ZNF793: variants seen among roughly 807,000 people sequenced by gnomAD.
The protein encoded by ZNF793 is zinc finger protein 793.
Under a neutral mutation model 12.4 loss-of-function variants are expected in ZNF793, and 5 were observed. That is an observed-to-expected ratio of 0.40 (90% CI 0.21 to 0.84). The LOEUF is 0.84. Ranked by LOEUF, ZNF793 falls within the 40% of genes least tolerant of loss-of-function variation. The probability of loss-of-function intolerance (pLI) is 0.35; values close to 1 mark genes in which losing one functional copy is unlikely to be tolerated. For synonymous variants in ZNF793, 162 were observed against 172.4 expected (o/e 0.94, Z 0.47); for missense variants, 456 against 495.0 (o/e 0.92, Z 0.75).
At chr19:37,518,644 A>G (rs2042352161) in intron 2 of ZNF793, among the ~76,000 whole-genome samples, 1 of 151,694 alleles carries the variant, frequency 6.6e-6, no homozygotes, top group Non-Finnish European at 1.5e-5. Context: ...AAAAAAAAAA[A>G]AAAAAATTAC....
intron 5 of ZNF793, among the ~76,000 whole-genome samples, chr19:37,530,204 T>C (rs2042447473): frequency 6.6e-6 from 1 of 151,996 alleles, no homozygotes; most frequent in Admixed American, 6.5e-5. Context: ...GGTTTCCCCC[T>C]ATCTCAGTAG....
intron 7 of ZNF793, chr19:37,536,182 A>C (rs910938565): frequency 1.8e-5 from 6 of 339,580 alleles, no homozygotes; most frequent in Non-Finnish European, 2.6e-5. Context: ...TTATTTTTTA[A>C]TCTGTTTCAC....
chr19:37,538,137 G>A lies in ZNF793; in HGVS notation c.*258G>A, dbSNP rs560342328. ...TCACCGTGTTAGCCAGGATGGTCTC[G>A]ATCTCCTGACCTTGTGATCTGCCCG... On this transcript the variant is annotated 3_prime_UTR_variant, in exon 8 of 8. Coordinates refer to ENST00000627814, the MANE Select transcript of ZNF793 (RefSeq NM_001013659.3). 258 of 352,904 alleles carry A rather than the reference G, an allele frequency of 7.3e-4. 2 individuals are homozygous for A. Among genetic ancestry groups the A allele is most frequent in the African/African-American group, 3.1e-3 (146 of 47,612 alleles). 21.9% of individuals were successfully genotyped at this position (352,904 alleles called of 1,614,324 possible). A position where few individuals can be genotyped will look rare whatever the true frequency, so the allele number is the denominator to read the frequency against.
Position 37,532,411 on chromosome 19 carries a change from G to C in ZNF793, c.71G>C (p.Arg24Pro). The C allele has an allele frequency of 6.2e-7, 1 of 1,614,082 alleles. No individual in the cohort carries two copies. The highest frequency in any genetic ancestry group is 8.5e-7 in the Non-Finnish European group (1 of 1,179,986). The change falls in exon 6 of 8, where the codon CGG becomes CCG. Residue 24 changes from arginine (R) to proline (P), a missense_variant. By Grantham distance (103) the Arg-to-Pro change is moderately radical (BLOSUM62 -2). Transcript: ENST00000627814. Reference sequence around the variant, plus strand: ...GGCTTCACCCAAGAGGAGTGGCACCGGCTGAGTCCTGCTCAGAGGGCCCTG... The same window carrying C: ...GGCTTCACCCAAGAGGAGTGGCACCCGCTGAGTCCTGCTCAGAGGGCCCTG... ...VVGFTQEEWH[R>P]LSPAQRALYR...
intron 3 of ZNF793, among the ~76,000 whole-genome samples, chr19:37,521,927 T>G (rs1441467513): frequency 6.6e-6 from 1 of 152,114 alleles, no homozygotes; most frequent in East Asian, 1.9e-4. Context: ...AATATATCAT[T>G]CCTATTCTTT....
At position 37,537,036 on chromosome 19, in the gene ZNF793, C is replaced by T; in HGVS notation, c.378C>T (p.Ser126=). 6.2e-7 allele frequency: 1 copy of T among 1,613,934 alleles called. No homozygotes were observed. The highest frequency in any genetic ancestry group is 8.5e-7 in the Non-Finnish European group (1 of 1,179,862). Residue 126 remains serine, a synonymous_variant, in exon 8 of 8, where the codon AGC becomes AGT. Transcript: ENST00000627814. ...AGTTTGGGAAAATATCACTTCTGAG[C>T]ACTGATCTTTTTTCTTCAATCCAGA... ...YNKFGKISLL[S]TDLFSSIQSP...
At chr19:37,509,640 T>C (rs555180832) in intron 2 of ZNF793, among the ~76,000 whole-genome samples, 1 of 152,300 alleles carries the variant, frequency 6.6e-6, no homozygotes, top group South Asian at 2.1e-4. Context: ...GTAAGGAGTT[T>C]GGGTAATTTT....
Position 37,525,804 on chromosome 19 carries a change from C to T in ZNF793, c.15+2350C>T, listed in dbSNP as rs576897188. 6.6e-5 allele frequency among the ~76,000 whole-genome samples: 10 copies of T among 152,266 alleles called. No homozygotes were observed. The South Asian group carries it at 1.2e-3, about 19-fold the overall frequency. ...GAATTTGATCCAAGGCAGCTGTAGC[C>T]TTGATCTGGACTGAGGAACAGATGT... is the stretch of plus-strand genomic sequence containing the variant. On this transcript the variant is annotated intron_variant, in intron 5 of 7. Coordinates refer to ENST00000627814, the MANE Select transcript of ZNF793 (RefSeq NM_001013659.3).
intron 2 of ZNF793, among the ~76,000 whole-genome samples, chr19:37,510,171 C>T (rs1243379580): frequency 6.6e-6 from 1 of 151,780 alleles, no homozygotes; most frequent in Admixed American, 6.6e-5. Context: ...GACCAGCCTG[C>T]GCAACATAGC....
chr19:37,537,588 C>T lies in ZNF793; in HGVS notation c.930C>T (p.Pro310=). The part of the protein sequence containing the change: ...EHQRTHTGER[P]FVCSECGKSF... ...AGAGAACACACACAGGAGAGAGACC[C>T]TTTGTCTGCAGTGAATGCGGGAAAT... Residue 310 remains proline, a synonymous_variant, in exon 8 of 8, where the codon CCC becomes CCT. Coordinates refer to ENST00000627814, the MANE Select transcript of ZNF793 (RefSeq NM_001013659.3). The T allele has an allele frequency of 6.2e-7, 1 of 1,614,162 alleles. No individual in the cohort carries two copies. The highest frequency in any genetic ancestry group is 8.5e-7 in the Non-Finnish European group (1 of 1,180,030).
chr19:37,523,372 C>T, intron 4 of ZNF793, 38 bp from the exon 5 acceptor site: 2 of 1,516,378 alleles, frequency 1.3e-6, no homozygotes, highest in Non-Finnish European at 9.2e-7. Flanking sequence ...GTTCTCTGTT[C>T]TCTCTTTCTC....
Position 37,542,637 on chromosome 19 carries a change from C to A in ZNF793, c.*4758C>A. 4.8e-6 allele frequency: 1 copy of A among 207,112 alleles called. No homozygotes were observed. 12.8% of individuals were successfully genotyped at this position (207,112 alleles called of 1,614,324 possible). ...AGGAAAAAACTATAGTGTATCCATT[C>A]CATAGAATGTTAATATAGCCATTAA... On this transcript the variant is annotated 3_prime_UTR_variant, in exon 8 of 8. Transcript: ENST00000627814.
At chr19:37,508,993 G>A (rs1451025572) in intron 2 of ZNF793, among the ~76,000 whole-genome samples, 1 of 152,136 alleles carries the variant, frequency 6.6e-6, no homozygotes, top group Non-Finnish European at 1.5e-5. Context: ...AAAACAAAAT[G>A]TAAGCTACTT....
At chr19:37,509,548 TA>T (rs1489850936) in intron 2 of ZNF793, among the ~76,000 whole-genome samples, 1 of 152,178 alleles carries the variant, frequency 6.6e-6, no homozygotes, top group African/African-American at 2.4e-5. Flanking sequence ...ATTTTAGTTT[TA>T]AAAGCAGATA....
chr19:37,533,675 T>G, intron 7 of ZNF793: 1 of 504,672 alleles, frequency 2.0e-6, no homozygotes, highest in Non-Finnish European at 3.5e-6. Context: ...CTTCTATGAT[T>G]CTCCTGTTCC....
rs752779962 is a variant in ZNF793 at position 37,537,391 on chromosome 19, C to T, written c.733C>T (p.His245Tyr). 3.5e-5 allele frequency: 57 copies of T among 1,612,816 alleles called. No individual in the cohort carries two copies. In the East Asian group the frequency reaches 1.2e-3, roughly 35 times the overall value. The change falls in exon 8 of 8, where the codon CAT becomes TAT. Residue 245 changes from histidine to tyrosine, a missense_variant. By Grantham distance (83) the His-to-Tyr change is moderately conservative (BLOSUM62 2). Transcript: ENST00000627814. ...CTGCTACAAGTCTGAATTCATTAGG[C>T]ATCAGAGAAGTCACACTGGGGAGAA... Reference protein sequence around the residue: ...AFCYKSEFIRHQRSHTGEKPY... With the variant: ...AFCYKSEFIRYQRSHTGEKPY...
intron 1 of ZNF793, among the ~76,000 whole-genome samples, chr19:37,507,497 C>T (rs2042259505): frequency 6.6e-6 from 1 of 151,956 alleles, no homozygotes; most frequent in Admixed American, 6.5e-5. Context: ...TGAGGGAGGT[C>T]AGTGGTGATG....
chr19:37,521,190 T>C (rs1189090593), intron 3 of ZNF793, among the ~76,000 whole-genome samples: 1 of 152,044 alleles, frequency 6.6e-6, no homozygotes, highest in East Asian at 1.9e-4. Flanking sequence ...GGTTTCACCG[T>C]GTTAGCCAGA....
intron 1 of ZNF793, chr19:37,507,367 A>G (rs1289663251): frequency 6.6e-6 from 1 of 152,282 alleles, no homozygotes; most frequent in Non-Finnish European, 1.5e-5. Flanking sequence ...ACACTGGTTT[A>G]GAGATCTTTA....
Sources: allele counts gnomAD v4.1 joint callset (sites outside exome capture counted in the v4.1 genomes callset), GRCh38; gene constraint gnomAD v4.1.1; transcripts MANE v1.5; gene names NCBI Gene and HGNC (gene_info 2026-07-23, HGNC 2026-07-21).